PCSK6: variants seen among roughly 807,000 people sequenced by gnomAD.
PCSK6 encodes proprotein convertase subtilisin/kexin type 6.
Under a neutral mutation model 123.3 loss-of-function variants are expected in PCSK6, and 85 were observed. That is an observed-to-expected ratio of 0.69 (90% CI 0.58 to 0.83). The LOEUF (loss-of-function observed/expected upper bound fraction) is 0.83. Ranked by LOEUF, PCSK6 falls within the 40% of genes least tolerant of loss-of-function variation. PCSK6 has a pLI of 0.00. For synonymous variants in PCSK6, 508 were observed against 516.0 expected (o/e 0.98, Z 0.21); for missense variants, 1,191 against 1,282.3 (o/e 0.93, Z 1.09).
chr15:101,424,705 CAT>C (rs1491253357), intron 6 of PCSK6, among the ~76,000 whole-genome samples: 1 of 152,174 alleles, frequency 6.6e-6, no homozygotes, highest in Non-Finnish European at 1.5e-5. Flanking sequence ...GGGTTTATAA[CAT>C]GTGAAGTAGA....
intron 1 of PCSK6, among the ~76,000 whole-genome samples, chr15:101,446,462 T>C (rs2056892255): frequency 1.3e-5 from 2 of 152,364 alleles, no homozygotes; most frequent in African/African-American, 2.4e-5. Flanking sequence ...TGTACAAATA[T>C]CTGCTCGTGT....
At chr15:101,381,972 G>A (rs531312289) in intron 11 of PCSK6, 120 bp downstream of exon 11, 10 of 660,046 alleles carry the variant, frequency 1.5e-5, no homozygotes, top group South Asian at 1.1e-4. Flanking sequence ...GGCATGCATC[G>A]TGCACACGCA....
intron 13 of PCSK6, among the ~76,000 whole-genome samples, chr15:101,345,045 T>C (rs1363065560): frequency 2.6e-5 from 4 of 152,228 alleles, no homozygotes; most frequent in Admixed American, 2.6e-4. Flanking sequence ...AGCACTTGTT[T>C]TGTGGGTTCT....
intron 11 of PCSK6, among the ~76,000 whole-genome samples, chr15:101,376,376 G>C (rs1028519803): frequency 3.3e-5 from 5 of 152,160 alleles, no homozygotes; most frequent in Non-Finnish European, 7.3e-5. Context: ...AAAACACACG[G>C]GTAAGACAAG....
chr15:101,358,701 T>TATCCTGG (rs1467736227), intron 13 of PCSK6, among the ~76,000 whole-genome samples: 1 of 152,218 alleles, frequency 6.6e-6, no homozygotes, highest in Non-Finnish European at 1.5e-5. Flanking sequence ...GAAGAGGGCT[T>TATCCTGG]ATCCTGGATC....
chr15:101,362,178 G>A (rs570142388), intron 13 of PCSK6, among the ~76,000 whole-genome samples: 10 of 152,028 alleles, frequency 6.6e-5, no homozygotes, highest in East Asian at 1.9e-4. Flanking sequence ...GGATGGTCTC[G>A]ATCTCCTGAC....
chr15:101,418,707 T>G (rs1318020502), intron 6 of PCSK6, among the ~76,000 whole-genome samples: 3 of 152,032 alleles, frequency 2.0e-5, no homozygotes, highest in Non-Finnish European at 4.4e-5. Flanking sequence ...CAAACAGGGT[T>G]TCAACATTTT....
chr15:101,428,208 C>T (rs1040427048), intron 5 of PCSK6, among the ~76,000 whole-genome samples: 3 of 152,110 alleles, frequency 2.0e-5, no homozygotes, highest in East Asian at 3.9e-4. Context: ...AGTGCTCACG[C>T]ATGGTCACCT....
At position 101,355,278 on chromosome 15, in the gene PCSK6, C is replaced by T. The variant is rs889846842; in HGVS notation, c.1858+10918G>A. 3.9e-5 allele frequency among the ~76,000 whole-genome samples: 6 copies of T among 152,194 alleles called. No individual in the cohort carries two copies. In the South Asian group the frequency reaches 6.2e-4, roughly 16 times the overall value. Reference sequence around the variant, plus strand: ...TTTATTACTATGTGAATACCAAGTACGTAAAACCCTTTGGAACCATGAAAT... The same window carrying T: ...TTTATTACTATGTGAATACCAAGTATGTAAAACCCTTTGGAACCATGAAAT... On this transcript the variant is annotated intron_variant, in intron 13 of 21. Coordinates refer to ENST00000611716, the MANE Select transcript of PCSK6 (RefSeq NM_002570.5).
intron 6 of PCSK6, among the ~76,000 whole-genome samples, chr15:101,405,634 C>T (rs1379515217): frequency 6.6e-6 from 1 of 151,926 alleles, no homozygotes; most frequent in East Asian, 1.9e-4. Flanking sequence ...TTTTAAATGC[C>T]CTGGGAGAAC....
chr15:101,427,203 C>CA (rs113946297), intron 6 of PCSK6, among the ~76,000 whole-genome samples: 2,464 of 152,272 alleles, frequency 0.016, 64 homozygotes, highest in African/African-American at 0.055. Flanking sequence ...CAGACGCACG[C>CA]GGGGCAGGGG....
intron 5 of PCSK6, among the ~76,000 whole-genome samples, chr15:101,429,609 T>C (rs2056378458): frequency 6.6e-6 from 1 of 152,150 alleles, no homozygotes; most frequent in African/African-American, 2.4e-5. Flanking sequence ...TCACAAAAGC[T>C]CAGGCACGTG....
chr15:101,316,462 T>G (rs1326006480), intron 19 of PCSK6: 1 of 152,260 alleles, frequency 6.6e-6, no homozygotes, highest in African/African-American at 2.4e-5. Flanking sequence ...GTTGCAAAAC[T>G]GTATGCCTGA....
At chr15:101,385,056 G>A (rs1332392883) in intron 9 of PCSK6, among the ~76,000 whole-genome samples, 2 of 152,150 alleles carry the variant, frequency 1.3e-5, no homozygotes, top group Admixed American at 6.5e-5. Flanking sequence ...TCGCCCTGTT[G>A]CCCAGGCTGG....
At chr15:101,322,945 G>A (rs2040162724) in intron 17 of PCSK6, among the ~76,000 whole-genome samples, 1 of 152,246 alleles carries the variant, frequency 6.6e-6, no homozygotes, top group Non-Finnish European at 1.5e-5. Context: ...CCGGGTGTGG[G>A]CAGGTGGGGG....
rs941505002 is a variant in PCSK6 at position 101,473,075 on chromosome 15, G to C, written c.297+16299C>G. 5.3e-5 allele frequency among the ~76,000 whole-genome samples: 8 copies of C among 152,106 alleles called. No individual in the cohort carries two copies. In the South Asian group the frequency reaches 6.2e-4, roughly 12 times the overall value. ...TTTCATTTGGATTGGTTTTTGTTTT[G>C]TTTTCTTTTCTTTTCTAGAGACAGA... On this transcript the variant is annotated intron_variant, in intron 1 of 21. Coordinates refer to ENST00000611716, the MANE Select transcript of PCSK6 (RefSeq NM_002570.5).
intron 8 of PCSK6, among the ~76,000 whole-genome samples, chr15:101,390,318 G>T (rs2042191269): frequency 6.6e-6 from 1 of 152,064 alleles, no homozygotes. Context: ...TGGGGGTTCA[G>T]CCTGTGTGGG....
intron 1 of PCSK6, among the ~76,000 whole-genome samples, chr15:101,480,097 T>C (rs1402960201): frequency 6.6e-6 from 1 of 152,216 alleles, no homozygotes; most frequent in South Asian, 2.1e-4. Flanking sequence ...CATTACCCAC[T>C]GATGGATTCC....
At chr15:101,405,592 C>T (rs977881443) in intron 6 of PCSK6, among the ~76,000 whole-genome samples, 4 of 152,124 alleles carry the variant, frequency 2.6e-5, no homozygotes, top group African/African-American at 7.2e-5. Flanking sequence ...ATAATACGTG[C>T]ATTCCTATAA....
Sources: allele counts gnomAD v4.1 joint callset (sites outside exome capture counted in the v4.1 genomes callset), GRCh38; gene constraint gnomAD v4.1.1; transcripts MANE v1.5; gene names NCBI Gene and HGNC (gene_info 2026-07-23, HGNC 2026-07-21).